The following SAXO1 variants were observed in gnomAD, a reference collection of about 807,000 sequenced individuals.
The protein encoded by SAXO1 is stabilizer of axonemal microtubules 1.
SAXO1 carries 21 observed loss-of-function variants against 17.5 expected under a neutral mutation model. The observed-to-expected ratio is 1.20, with a 90% CI of 0.85 to 1.72. The LOEUF is 1.72. Among genes scored for constraint, SAXO1 ranks in the 40% most tolerant of loss-of-function variants. The pLI is 0.00. For synonymous variants in SAXO1, 274 were observed against 216.5 expected (o/e 1.27, Z -2.33); for missense variants, 843 against 596.0 (o/e 1.41, Z -4.32).
intron 2 of SAXO1, among the ~76,000 whole-genome samples, chr9:18,948,012 C>T (rs369394320): frequency 6.6e-6 from 1 of 152,182 alleles, no homozygotes. Context: ...TAAGCAGGGT[C>T]ACTGTTTAGA....
At chr9:18,999,898 A>G (rs1190701115) in intron 1 of SAXO1, among the ~76,000 whole-genome samples, 6 of 92,358 alleles carry the variant, frequency 6.5e-5, no homozygotes, top group African/African-American at 1.6e-4. Flanking sequence ...CCGCCCCACC[A>G]TCTGGGAAGT....
chr9:18,987,131 GCA>G (rs1227692823), intron 1 of SAXO1, among the ~76,000 whole-genome samples: 1 of 152,164 alleles, frequency 6.6e-6, no homozygotes, highest in Non-Finnish European at 1.5e-5. Context: ...TGATTGTCAG[GCA>G]CAGTCCTCTC....
At chr9:18,946,166 C>T (rs1831786033) in intron 2 of SAXO1, among the ~76,000 whole-genome samples, 1 of 151,076 alleles carries the variant, frequency 6.6e-6, no homozygotes, top group African/African-American at 2.4e-5. Flanking sequence ...ATCCTAACTA[C>T]TCGGGAGGCT....
At chr9:19,037,751 C>T (rs1161475328), upstream of SAXO1, among the ~76,000 whole-genome samples, 3 of 152,242 alleles carry the variant, frequency 2.0e-5, no homozygotes, top group Middle Eastern at 6.8e-3. Flanking sequence ...AAATTTCCTC[C>T]CCTAGGAACT....
At chr9:18,947,339 C>A (rs371570370) in intron 2 of SAXO1, among the ~76,000 whole-genome samples, 2 of 152,224 alleles carry the variant, frequency 1.3e-5, no homozygotes, top group African/African-American at 4.8e-5. Context: ...TCTCTCTTAG[C>A]TCTTCCCTCC....
intron 1 of SAXO1, among the ~76,000 whole-genome samples, chr9:18,975,406 G>A (rs1167371887): frequency 6.6e-6 from 1 of 152,182 alleles, no homozygotes; most frequent in Non-Finnish European, 1.5e-5. Flanking sequence ...TGTCAGACAT[G>A]TCTAATCACA....
chr9:18,984,381 A>G (rs985440898), intron 1 of SAXO1, among the ~76,000 whole-genome samples: 3 of 152,236 alleles, frequency 2.0e-5, no homozygotes, highest in African/African-American at 7.2e-5. Flanking sequence ...CTCCAGCTAT[A>G]AAAGTCCTAG....
chr9:18,959,398 G>T (rs1237214319), intron 1 of SAXO1, among the ~76,000 whole-genome samples: 1 of 152,146 alleles, frequency 6.6e-6, no homozygotes, highest in Non-Finnish European at 1.5e-5. Context: ...CAACTTGAGA[G>T]GGGAGAGAAG....
intron 1 of SAXO1, among the ~76,000 whole-genome samples, chr9:18,995,203 C>G (rs1400728384): frequency 6.6e-6 from 1 of 152,146 alleles, no homozygotes; most frequent in Non-Finnish European, 1.5e-5. Context: ...AAAACCTAAC[C>G]TAATGCAGAC....
At chr9:19,014,080 A>T (rs75351961) in intron 1 of SAXO1, among the ~76,000 whole-genome samples, 1 of 152,118 alleles carries the variant, frequency 6.6e-6, no homozygotes, top group Admixed American at 6.6e-5. Context: ...AGGCAGCATG[A>T]GGAGGAATGG....
Position 18,963,416 on chromosome 9 carries a change from C to A in SAXO1, c.39-12479G>T, listed in dbSNP as rs144794105. Among the ~76,000 whole-genome samples the A allele has an allele frequency of 4.4e-3, 672 of 151,808 alleles. 4 individuals are homozygous for A. The highest frequency in any genetic ancestry group is 0.015 in the African/African-American group (642 of 41,440). On this transcript the variant is annotated intron_variant, in intron 1 of 3. Transcript: ENST00000380534. ...GGGCAGTATGGCCATTTGTATGATACTGATTCTTCCTATCCATGAGCATGC... is the reference window on the plus strand; with the variant it reads ...GGGCAGTATGGCCATTTGTATGATAATGATTCTTCCTATCCATGAGCATGC...
intron 1 of SAXO1, among the ~76,000 whole-genome samples, chr9:18,956,926 G>C (rs1832281992): frequency 6.6e-6 from 1 of 152,202 alleles, no homozygotes; most frequent in Non-Finnish European, 1.5e-5. Context: ...TCCTCCTCAA[G>C]GTCACATAAC....
chr9:19,029,276 GA>G (rs2131044978), intron 1 of SAXO1, among the ~76,000 whole-genome samples: 1 of 152,208 alleles, frequency 6.6e-6, no homozygotes, highest in South Asian at 2.1e-4. Context: ...AGAGAAGGGG[GA>G]ATAAATGTGC....
rs1178069336 is a variant in SAXO1, at chr9:18,929,069, A to G, written c.422-14T>C. ...GCAAATAATCAGCTGAAATTAAAGCAGAAGAGGTAATTAATAATAAATCAA... is the reference window on the plus strand; with the variant it reads ...GCAAATAATCAGCTGAAATTAAAGCGGAAGAGGTAATTAATAATAAATCAA... On this transcript the variant is annotated splice_polypyrimidine_tract_variant and intron_variant, in intron 3 of 3. Coordinates refer to ENST00000380534, the MANE Select transcript of SAXO1 (RefSeq NM_153707.4). The G allele has an allele frequency of 6.2e-7, 1 of 1,611,250 alleles. No individual in the cohort carries two copies. The highest frequency in any genetic ancestry group is 8.5e-7 in the Non-Finnish European group (1 of 1,178,740).
intron 3 of SAXO1, among the ~76,000 whole-genome samples, chr9:18,936,965 C>T (rs1831322920): frequency 6.6e-6 from 1 of 152,170 alleles, no homozygotes; most frequent in Admixed American, 6.5e-5. Context: ...CAAATGTAAG[C>T]AGAGCATATA....
chr9:18,990,212 T>C (rs903377766), intron 1 of SAXO1, among the ~76,000 whole-genome samples: 4 of 151,628 alleles, frequency 2.6e-5, no homozygotes, highest in Non-Finnish European at 5.9e-5. Flanking sequence ...ATCCACACCC[T>C]ACTTCCTATA....
intron 1 of SAXO1, among the ~76,000 whole-genome samples, chr9:18,954,667 G>A (rs1563941074): frequency 6.6e-6 from 1 of 150,534 alleles, no homozygotes; most frequent in African/African-American, 2.4e-5. Context: ...ATTGAAAGGG[G>A]GCATGGGAAA....
chr9:18,933,613 T>C (rs1588398622), intron 3 of SAXO1, among the ~76,000 whole-genome samples: 2 of 152,338 alleles, frequency 1.3e-5, no homozygotes, highest in East Asian at 3.9e-4. Flanking sequence ...TCTGGGAATG[T>C]ATTTTGCCTT....
chr9:18,941,689 C>T lies in SAXO1; in HGVS notation c.369G>A (p.Arg123=). The T allele has an allele frequency of 3.1e-6, 5 of 1,614,120 alleles. No homozygotes were observed. Among genetic ancestry groups the T allele is most frequent in the Non-Finnish European group, 4.2e-6 (5 of 1,180,020 alleles). The change falls in exon 3 of 4, where the codon CGG becomes CGA. Residue 123 remains arginine, a synonymous_variant. Coordinates refer to ENST00000380534, the MANE Select transcript of SAXO1 (RefSeq NM_153707.4). ...PVCRVDPIKP[R]DSKYPCSDKM... ...TGTCGCTACATGGATATTTACTGTC[C>T]CGAGGTTTGATGGGGTCCACTCGAC...
Sources: allele counts gnomAD v4.1 joint callset (sites outside exome capture counted in the v4.1 genomes callset), GRCh38; gene constraint gnomAD v4.1.1; transcripts MANE v1.5; gene names NCBI Gene and HGNC (gene_info 2026-07-23, HGNC 2026-07-21).